SLC12A9: variants seen among roughly 807,000 people sequenced by gnomAD.
SLC12A9 encodes solute carrier family 12 member 9.
A neutral mutation model predicts 66.0 loss-of-function variants in SLC12A9; 55 were observed. The ratio of observed to expected loss-of-function variants is 0.83; its 90% confidence interval spans 0.67 to 1.04. The LOEUF is 1.04. Among genes scored for constraint, SLC12A9 ranks in the 50% least tolerant of loss-of-function variants. The pLI is 0.00. For synonymous variants in SLC12A9, 577 were observed against 569.0 expected, an observed-to-expected ratio of 1.01 and a Z score of -0.20; for missense variants, 1,061 against 1,241.9, an observed-to-expected ratio of 0.85 and a Z score of 2.19.
At position 100,866,815 on chromosome 7, in the gene SLC12A9, C is replaced by A; in HGVS notation, c.*210C>A. ...AGCACACTAACTCTGGGTGGCTGTC[C>A]CCACCGTGCAGGGGAGGGAGTCCGC... On this transcript the variant is annotated 3_prime_UTR_variant, in exon 14 of 14. Transcript: ENST00000354161. This position sits in a 1 kb window ranked among gnomAD's most constrained non-coding sequence, Gnocchi z 7.3. 1 of 508,616 alleles carries A rather than the reference C, an allele frequency of 2.0e-6. No individual in the cohort carries two copies. Among genetic ancestry groups the A allele is most frequent in the Non-Finnish European group, 3.4e-6 (1 of 296,304 alleles). The allele number at this position is 508,616 out of a possible 1,614,324, so 31.5% of individuals were successfully genotyped here.
chr7:100,843,958 G>A (rs888613369), intron 1 of SLC12A9, among the ~76,000 whole-genome samples: 1 of 152,130 alleles, frequency 6.6e-6, no homozygotes, highest in Non-Finnish European at 1.5e-5. Flanking sequence ...GTATGTGGAC[G>A]GAAGCAGCTT....
At chr7:100,833,573 G>A (rs1299087203) in intron 1 of SLC12A9, among the ~76,000 whole-genome samples, 2 of 152,134 alleles carry the variant, frequency 1.3e-5, no homozygotes, top group African/African-American at 2.4e-5. Flanking sequence ...TTGGGAGGCC[G>A]AGGTGGGAGG....
chr7:100,854,107 G>A (rs780649996), intron 1 of SLC12A9, 49 bp from the exon 2 acceptor site: 3 of 1,218,630 alleles, frequency 2.5e-6, no homozygotes, highest in Non-Finnish European at 3.4e-6. Context: ...CTTTGGGGGT[G>A]GGCGAGCTCT....
intron 1 of SLC12A9, among the ~76,000 whole-genome samples, chr7:100,838,177 T>A (rs1207818630): frequency 2.0e-5 from 3 of 152,010 alleles, no homozygotes; most frequent in Non-Finnish European, 4.4e-5. Context: ...AGTTGTAAAA[T>A]TTTTTTGTGG....
chr7:100,865,018 C>T (rs1376836438), intron 13 of SLC12A9, among the ~76,000 whole-genome samples: 3 of 151,986 alleles, frequency 2.0e-5, no homozygotes, highest in Non-Finnish European at 4.4e-5. Context: ...AGTGCAGTGG[C>T]GTGATCTCGG....
chr7:100,860,974 GT>G, intron 9 of SLC12A9, 163 bp from the exon 10 acceptor site: 2 of 1,266,666 alleles, frequency 1.6e-6, no homozygotes, highest in Non-Finnish European at 2.3e-6. Context: ...CATTTTGGGG[GT>G]TCATTGACAC....
chr7:100,840,600 G>A (rs1813765346), intron 1 of SLC12A9, among the ~76,000 whole-genome samples: 1 of 151,770 alleles, frequency 6.6e-6, no homozygotes, highest in Admixed American at 6.6e-5. Context: ...AGACAGAGAG[G>A]AAGAGACAGA....
At chr7:100,831,622 G>T (rs1813545321) in intron 1 of SLC12A9, among the ~76,000 whole-genome samples, 1 of 152,160 alleles carries the variant, frequency 6.6e-6, no homozygotes, top group Admixed American at 6.5e-5. Context: ...CCCCGCGCGG[G>T]GACCATGCCC....
chr7:100,859,832 T>A, intron 7 of SLC12A9, 53 bp from the exon 8 acceptor site: 1 of 1,555,886 alleles, frequency 6.4e-7, no homozygotes, highest in Non-Finnish European at 8.7e-7. Flanking sequence ...GGCTGGAGAT[T>A]TTCTTACCCC....
intron 9 of SLC12A9, 41 bp downstream of exon 9, chr7:100,860,273 C>T (rs1814665531): frequency 1.3e-6 from 2 of 1,597,200 alleles, no homozygotes; most frequent in African/African-American, 1.3e-5. Flanking sequence ...CTCACCCCAC[C>T]AGCTGGCAGG....
At position 100,862,678 on chromosome 7, in the gene SLC12A9, T is replaced by C; in HGVS notation, c.1712-3T>C. Reference sequence around the variant, plus strand: ...TACCTTCCTTTCCTTATCTTCTCTGTAGACTCCCTGCCCTCGGACCCTGTA... The same window carrying C: ...TACCTTCCTTTCCTTATCTTCTCTGCAGACTCCCTGCCCTCGGACCCTGTA... On this transcript the variant is annotated splice_polypyrimidine_tract_variant and splice_region_variant and intron_variant, in intron 12 of 13. Transcript: ENST00000354161. The C allele has an allele frequency of 6.2e-7, 1 of 1,614,112 alleles. No individual in the cohort carries two copies.
At chr7:100,839,011 G>A (rs1388895450) in intron 1 of SLC12A9, among the ~76,000 whole-genome samples, 1 of 152,064 alleles carries the variant, frequency 6.6e-6, no homozygotes, top group African/African-American at 2.4e-5. Context: ...CACCCCCTTA[G>A]AGTTGTGAGC....
chr7:100,851,425 G>GTT (rs1212494855), upstream of SLC12A9, among the ~76,000 whole-genome samples: 31 of 135,604 alleles, frequency 2.3e-4, no homozygotes, highest in Non-Finnish European at 3.1e-4. Flanking sequence ...CCCTGAAAAA[G>GTT]TTTTTTTTTT....
At chr7:100,859,327 T>C (rs1562992478) in intron 7 of SLC12A9, 166 bp downstream of exon 7, 1 of 648,718 alleles carries the variant, frequency 1.5e-6, no homozygotes, top group East Asian at 2.6e-5. Flanking sequence ...ATGGACCCAG[T>C]ACTGTTGCAG....
rs113313997 is a variant in SLC12A9, at chr7:100,861,880, T to C, written c.1680T>C (p.Tyr560=). 481 of 1,612,094 alleles carry C rather than the reference T, an allele frequency of 3.0e-4. 4 individuals are homozygous for C. In the African/African-American group the frequency reaches 4.9e-3, roughly 17 times the overall value. The change falls in exon 12 of 14, where the codon TAT becomes TAC. Residue 560 remains tyrosine (Y), a synonymous_variant. Transcript: ENST00000354161. The surrounding 1 kb of genome is among the most constrained non-coding windows in gnomAD (Gnocchi z 5.3). ...ACCAGCTTAAGAAGGGGGGGCTGTATGTGCTGGGCCACGTCACCCTGGGAG... is the reference window on the plus strand; with the variant it reads ...ACCAGCTTAAGAAGGGGGGGCTGTACGTGCTGGGCCACGTCACCCTGGGAG... ...LANQLKKGGL[Y]VLGHVTLGDL...
At chr7:100,860,345 G>T (rs1814670970) in intron 9 of SLC12A9, 113 bp downstream of exon 9, 1 of 1,051,476 alleles carries the variant, frequency 9.5e-7, no homozygotes, top group African/African-American at 1.6e-5. Context: ...TATGCACTTG[G>T]GGTTGCACTG....
At chr7:100,865,377 C>G in intron 13 of SLC12A9, 1 of 1,536,166 alleles carries the variant, frequency 6.5e-7, no homozygotes, top group Non-Finnish European at 8.7e-7. Flanking sequence ...CTCGCATCCC[C>G]TGCCGTGAAA....
At chr7:100,836,538 C>T (rs1286016150) in intron 1 of SLC12A9, among the ~76,000 whole-genome samples, 1 of 152,182 alleles carries the variant, frequency 6.6e-6, no homozygotes, top group Non-Finnish European at 1.5e-5. Context: ...AGCAACCTGT[C>T]TGGCCAGAGC....
Position 100,861,377 on chromosome 7 carries a change from C to T in SLC12A9, c.1344-15C>T. On this transcript the variant is annotated splice_polypyrimidine_tract_variant and intron_variant, in intron 10 of 13. Coordinates refer to ENST00000354161, the MANE Select transcript of SLC12A9 (RefSeq NM_020246.4). The surrounding 1 kb of genome is among the most constrained non-coding windows in gnomAD (Gnocchi z 5.3). Reference sequence around the variant, plus strand: ...TGCCCTGAGTTTCTGTCCCTCCTCCCCTCCATGCCCGCAGCCCCACCTTCA... The same window carrying T: ...TGCCCTGAGTTTCTGTCCCTCCTCCTCTCCATGCCCGCAGCCCCACCTTCA... 1.2e-6 allele frequency: 2 copies of T among 1,612,756 alleles called. No individual in the cohort carries two copies. The highest frequency in any genetic ancestry group is 1.7e-6 in the Non-Finnish European group (2 of 1,179,154).
Sources: gnomAD v4.1 joint callset for allele counts (sites outside exome capture counted in the v4.1 genomes callset) on GRCh38, gnomAD v4.1.1 for gene constraint, Gnocchi (gnomAD v3.1) non-coding constraint, MANE v1.5 for transcripts, NCBI Gene and HGNC (gene_info 2026-07-23, HGNC 2026-07-21) for gene names.